PGM5: variants seen among roughly 807,000 people sequenced by gnomAD.
PGM5 encodes the protein phosphoglucomutase-like protein 5.
A neutral mutation model predicts 59.2 loss-of-function variants in PGM5; 23 were observed. That is an observed-to-expected ratio of 0.39 (90% confidence interval 0.28 to 0.55). The LOEUF (loss-of-function observed/expected upper bound fraction) is 0.55. PGM5 is among the 20% of genes least tolerant of loss of function. The pLI, the probability that PGM5 is intolerant of heterozygous loss-of-function variation, is 0.66. For synonymous variants in PGM5, 214 were observed against 286.0 expected (o/e 0.75, Z 2.54); for missense variants, 574 against 748.3 (o/e 0.77, Z 2.72).
At chr9:68,462,300 A>G (rs1823868372) in intron 6 of PGM5, among the ~76,000 whole-genome samples, 2 of 152,134 alleles carry the variant, frequency 1.3e-5, no homozygotes, top group African/African-American at 4.8e-5. Flanking sequence ...GTACTAGAGA[A>G]TTTCAGAGAT....
intron 9 of PGM5, among the ~76,000 whole-genome samples, chr9:68,495,967 A>G (rs1824476492): frequency 6.6e-6 from 1 of 152,188 alleles, no homozygotes; most frequent in Non-Finnish European, 1.5e-5. Context: ...TGCCACAACT[A>G]TTCATCTCTG....
chr9:68,438,702 C>CT (rs1823479606), intron 6 of PGM5, among the ~76,000 whole-genome samples: 1 of 152,298 alleles, frequency 6.6e-6, no homozygotes, highest in African/African-American at 2.4e-5. Context: ...ATGAGTTTCT[C>CT]TTTTGTCTGT....
intron 6 of PGM5, among the ~76,000 whole-genome samples, chr9:68,410,687 C>T (rs1438847433): frequency 3.3e-5 from 5 of 152,094 alleles, no homozygotes; most frequent in Non-Finnish European, 5.9e-5. Context: ...TAAATTGATG[C>T]TCAGAGTGGG....
intron 9 of PGM5, among the ~76,000 whole-genome samples, chr9:68,493,284 A>T (rs1388884857): frequency 6.6e-6 from 1 of 152,234 alleles, no homozygotes; most frequent in Non-Finnish European, 1.5e-5. Context: ...TAAAATTAAA[A>T]AAATAGTAAA....
At chr9:68,499,453 C>A in intron 10 of PGM5, 92 bp downstream of exon 10, 1 of 1,287,360 alleles carries the variant, frequency 7.8e-7, no homozygotes, top group Non-Finnish European at 1.1e-6. Context: ...TATTTTACCT[C>A]CTGGAAAGGT....
chr9:68,527,921 C>T (rs1016890846), intron 10 of PGM5, among the ~76,000 whole-genome samples: 1 of 152,198 alleles, frequency 6.6e-6, no homozygotes, highest in Non-Finnish European at 1.5e-5. Context: ...CATTTAGGTC[C>T]CTCCCAACAA....
chr9:68,388,527 C>T (rs1174055911), intron 4 of PGM5, among the ~76,000 whole-genome samples: 1 of 151,890 alleles, frequency 6.6e-6, no homozygotes, highest in East Asian at 1.9e-4. Flanking sequence ...TGTCCTGTTC[C>T]CTGGTTTCTT....
At chr9:68,381,572 A>G (rs1223992568) in intron 2 of PGM5, among the ~76,000 whole-genome samples, 4 of 151,772 alleles carry the variant, frequency 2.6e-5, no homozygotes, top group African/African-American at 9.7e-5. Flanking sequence ...GGAAAGGAGA[A>G]AGTAAAATAA....
intron 6 of PGM5, among the ~76,000 whole-genome samples, chr9:68,402,889 C>A (rs1273875707): frequency 6.6e-6 from 1 of 152,162 alleles, no homozygotes; most frequent in African/African-American, 2.4e-5. Context: ...TCAGCTTCAA[C>A]TTTCTAGGGT....
intron 6 of PGM5, among the ~76,000 whole-genome samples, chr9:68,438,102 A>G (rs1554683451): frequency 6.6e-6 from 1 of 151,966 alleles, no homozygotes; most frequent in East Asian, 1.9e-4. Flanking sequence ...AACTTGGGCA[A>G]CATGGCGAAA....
intron 6 of PGM5, 58 bp downstream of exon 6, chr9:68,392,531 C>T: frequency 6.3e-7 from 1 of 1,592,308 alleles, no homozygotes; most frequent in South Asian, 1.1e-5. Context: ...TTGATGTCTC[C>T]TTTGTTGGTT....
intron 6 of PGM5, chr9:68,402,327 A>G (rs1427557450): frequency 6.6e-6 from 1 of 151,972 alleles, no homozygotes; most frequent in East Asian, 1.9e-4. Context: ...TAAAGGTGAT[A>G]AAAATAATCA....
chr9:68,485,078 A>G (rs1465552714), intron 9 of PGM5, among the ~76,000 whole-genome samples: 1 of 152,184 alleles, frequency 6.6e-6, no homozygotes, highest in African/African-American at 2.4e-5. Flanking sequence ...TATGGATTTT[A>G]TCTACTTGCA....
chr9:68,466,270 G>GGTTT, intron 7 of PGM5: 1 of 558,466 alleles, frequency 1.8e-6, no homozygotes, highest in Non-Finnish European at 2.3e-6. Context: ...GATACTGTGT[G>GGTTT]TTTTTTTTTT....
At chr9:68,445,103 C>T (rs1554683928) in intron 6 of PGM5, among the ~76,000 whole-genome samples, 1 of 151,828 alleles carries the variant, frequency 6.6e-6, no homozygotes. Context: ...AATTTCTTAG[C>T]TGAGTATAAA....
At chr9:68,398,310 C>A (rs1822566861) in intron 6 of PGM5, 1 of 152,048 alleles carries the variant, frequency 6.6e-6, no homozygotes, top group African/African-American at 2.4e-5. Flanking sequence ...CTGTTAGGAT[C>A]AAGGCAGGAA....
Position 68,479,458 on chromosome 9 carries a change from CTT to C in PGM5, c.1201_1202del (p.Leu401GlyfsTer33). 1 of 1,613,938 alleles carries C rather than the reference CTT, an allele frequency of 6.2e-7. No homozygotes were observed. The highest frequency in any genetic ancestry group is 8.5e-7 in the Non-Finnish European group (1 of 1,179,972). ...LREKDGLWAV[L>X]VWLSIIAARK... Reference sequence around the variant, plus strand: ...GAGAGAAGGATGGCCTGTGGGCTGTCTTGGTCTGGCTCTCCATTATTGCTGCC... The same window carrying C: ...GAGAGAAGGATGGCCTGTGGGCTGTCGGTCTGGCTCTCCATTATTGCTGCC... On this transcript the variant is annotated frameshift_variant, in exon 8 of 11. Coordinates refer to ENST00000396396, the MANE Select transcript of PGM5 (RefSeq NM_021965.4). LOFTEE classifies it high-confidence loss of function.
chr9:68,383,740 T>TAAAAAAAAAAAAAAAAA (rs61055122), intron 2 of PGM5, among the ~76,000 whole-genome samples: 2 of 106,302 alleles, frequency 1.9e-5, no homozygotes, highest in Non-Finnish European at 3.7e-5. Flanking sequence ...ATATACAAGG[T>TAAAAAAAAAAAAAAAAA]AAAAAAAAAA....
intron 7 of PGM5, among the ~76,000 whole-genome samples, chr9:68,472,714 C>T (rs953885274): frequency 3.3e-5 from 5 of 152,132 alleles, no homozygotes; most frequent in African/African-American, 9.7e-5. Context: ...GGGTAGAGTG[C>T]GAGTAATTTC....
Sources: allele counts gnomAD v4.1 joint callset (sites outside exome capture counted in the v4.1 genomes callset), GRCh38; gene constraint gnomAD v4.1.1; transcripts MANE v1.5; gene names NCBI Gene and HGNC (gene_info 2026-07-23, HGNC 2026-07-21).